Variants in PROSER3 observed in about 807,000 individuals in gnomAD.
PROSER3 encodes the protein proline and serine rich 3, also known as proline and serine-rich protein 3.
A neutral mutation model predicts 50.2 loss-of-function variants in PROSER3; 33 were observed. The ratio of observed to expected loss-of-function variants is 0.66; its 90% confidence interval spans 0.50 to 0.88. PROSER3 has a LOEUF of 0.88. PROSER3 is among the 40% of genes least tolerant of loss of function. The probability of loss-of-function intolerance (pLI) is 0.00; values close to 1 mark genes in which losing one functional copy is unlikely to be tolerated. For synonymous variants in PROSER3, 266 were observed against 259.3 expected (o/e 1.03, Z -0.25); for missense variants, 623 against 612.7 (o/e 1.02, Z -0.18).
At chr19:35,766,997 G>C in intron 8 of PROSER3, 42 bp downstream of exon 8, 2 of 1,525,118 alleles carry the variant, frequency 1.3e-6, no homozygotes, top group Non-Finnish European at 1.8e-6. Flanking sequence ...GCTGGAGGAG[G>C]GGCTGGGTCT....
chr19:35,767,668 C>G, intron 8 of PROSER3: 1 of 1,156,510 alleles, frequency 8.6e-7, no homozygotes, highest in Non-Finnish European at 1.2e-6. Context: ...CTCGGCTGTT[C>G]CCTGACAGCC....
exon 7 of PROSER3, chr19:35,765,110 G>A: frequency 6.2e-7 from 1 of 1,613,854 alleles, no homozygotes; most frequent in Non-Finnish European, 8.5e-7. Flanking sequence ...CAGCTCTGAT[G>A]GCCTCTCTCC....
chr19:35,762,180 C>A, intron 4 of PROSER3, 34 bp downstream of exon 4: 1 of 1,591,064 alleles, frequency 6.3e-7, no homozygotes, highest in Non-Finnish European at 8.6e-7. Flanking sequence ...TACTCCCACC[C>A]CTAAACCTTT....
At chr19:35,767,849 G>A in exon 9 of PROSER3, 1 of 1,613,070 alleles carries the variant, frequency 6.2e-7, no homozygotes, top group Non-Finnish European at 8.5e-7. Context: ...AGCGGGGTCA[G>A]TGATACGGAA....
chr19:35,766,913 C>T, exon 8 of PROSER3: 2 of 1,554,424 alleles, frequency 1.3e-6, no homozygotes, highest in Non-Finnish European at 1.7e-6. Flanking sequence ...GCAAGGGTGA[C>T]AGAGCTTGGG....
rs774032469 is a variant in PROSER3, at chr19:35,764,934, C to T, written c.624C>T (p.Arg208=). Residue 208 remains arginine, a splice_region_variant and synonymous_variant, in exon 6 of 11, where the codon CGC becomes CGT. Coordinates refer to ENST00000396908, the Ensembl canonical transcript of PROSER3. ...GCAGAGCTGCCAGGCTGCTCAAACG[C>T]AGGTGCCCGCACCCCTGCCCCCATC... 1.1e-5 allele frequency: 17 copies of T among 1,613,634 alleles called. No individual in the cohort carries two copies. The South Asian group carries it at 1.9e-4, about 18-fold the overall frequency.
chr19:35,763,349 A>C (rs1325801911), intron 5 of PROSER3, among the ~76,000 whole-genome samples: 73 of 134,712 alleles, frequency 5.4e-4, no homozygotes, highest in East Asian at 9.3e-4. Context: ...CTACAGGTGC[A>C]TGCCACCACA....
intron 9 of PROSER3, 41 bp from the exon 10 acceptor site, chr19:35,768,114 A>G: frequency 6.2e-7 from 1 of 1,601,202 alleles, no homozygotes; most frequent in East Asian, 2.3e-5. Context: ...GCCCCCTAAG[A>G]GGCCGGCCCC....
intron 4 of PROSER3, 41 bp from the exon 5 acceptor site, chr19:35,762,212 C>A: frequency 6.3e-7 from 1 of 1,597,548 alleles, no homozygotes; most frequent in Non-Finnish European, 8.6e-7. Context: ...CCCCCAGCAG[C>A]CACTCCTCCT....
chr19:35,760,369 A>G (rs1970917452), intron 3 of PROSER3, among the ~76,000 whole-genome samples: 1 of 152,002 alleles, frequency 6.6e-6, no homozygotes, highest in Admixed American at 6.6e-5. Flanking sequence ...GATGCATGCC[A>G]CCACACCCAG....
intron 8 of PROSER3, chr19:35,767,492 C>T (rs1399109550): frequency 2.4e-6 from 1 of 413,158 alleles, no homozygotes; most frequent in Non-Finnish European, 4.3e-6. Context: ...AGCTGTCCCC[C>T]AGGGCCTGCC....
intron 5 of PROSER3, 115 bp downstream of exon 5, chr19:35,762,471 G>A (rs1568410209): frequency 2.0e-6 from 2 of 1,016,346 alleles, no homozygotes; most frequent in East Asian, 5.4e-5. Flanking sequence ...CACTTTGGGA[G>A]GCCAAGGTGA....
At chr19:35,767,301 A>T (rs900747309) in intron 8 of PROSER3, 13 of 295,682 alleles carry the variant, frequency 4.4e-5, no homozygotes, top group African/African-American at 6.6e-5. Context: ...CCTCCCACGC[A>T]GCAGGCCTCC....
In PROSER3 at chr19:35,766,730, C is replaced by T. The variant is rs748136288; in HGVS notation, c.770-38C>T. ...GTCCTGGGGTTGCTGATCTCCCTGG[C>T]CCCTGCCTCACCCTCTCCTCTCTAC... On this transcript the variant is annotated intron_variant, in intron 7 of 10. Transcript: ENST00000396908. 20 of 1,477,782 alleles carry T rather than the reference C, an allele frequency of 1.4e-5. 1 individual carries two copies. Among genetic ancestry groups the T allele is most frequent in the Admixed American group, 2.0e-5 (1 of 49,770 alleles). The allele number at this position is 1,477,782 out of a possible 1,614,324, so 91.5% of individuals were successfully genotyped here. A position where few individuals can be genotyped will look rare whatever the true frequency, so the allele number is the denominator to read the frequency against.
At chr19:35,762,119 C>G in exon 4 of PROSER3, 1 of 1,604,628 alleles carries the variant, frequency 6.2e-7, no homozygotes. Flanking sequence ...GTCTGACTCT[C>G]CAGACCCCAG....
At chr19:35,764,620 C>T (rs1971074831) in intron 5 of PROSER3, among the ~76,000 whole-genome samples, 1 of 150,888 alleles carries the variant, frequency 6.6e-6, no homozygotes, top group Non-Finnish European at 1.5e-5. Flanking sequence ...CGTGCCATTG[C>T]ACTCCAGCCT....
intron 5 of PROSER3, among the ~76,000 whole-genome samples, chr19:35,763,830 A>G (rs1363465538): frequency 7.5e-6 from 1 of 133,626 alleles, no homozygotes; most frequent in Non-Finnish European, 1.6e-5. Flanking sequence ...TTTTAATTAG[A>G]TAGGGTCTTA....
rs374706562 is a variant in PROSER3 at position 35,762,030 on chromosome 19, G to A, written c.323G>A (p.Arg108Lys). Residue 108 changes from arginine to lysine, a missense_variant, in exon 4 of 11, where the codon AGG becomes AAG. Transcript: ENST00000396908. ...CCTGATGTTCACAGGTATATAAACA[G>A]GTTCCGCCAGGCTCAGCCCACCAGT... 8.3e-5 allele frequency: 133 copies of A among 1,607,810 alleles called. No homozygotes were observed. The highest frequency in any genetic ancestry group is 1.1e-4 in the Non-Finnish European group (133 of 1,175,318).
chr19:35,768,231 GA>G lies in PROSER3; in HGVS notation c.1300del (p.Arg434GlyfsTer35). 6.2e-7 allele frequency: 1 copy of G among 1,612,008 alleles called. No individual in the cohort carries two copies. On this transcript the variant is annotated frameshift_variant, in exon 10 of 11. Transcript: ENST00000396908. LOFTEE classifies it low-confidence loss of function (END_TRUNC). Reference sequence around the variant, plus strand: ...CCCATAGGGCAGAGCTGAGTCGGCAGAAAAGGTGACCGACCCTCCATCCCCA... The same window carrying G: ...CCCATAGGGCAGAGCTGAGTCGGCAGAAAGGTGACCGACCCTCCATCCCCA...
Sources: allele counts gnomAD v4.1 joint callset (sites outside exome capture counted in the v4.1 genomes callset), GRCh38; gene constraint gnomAD v4.1.1; transcripts MANE v1.5; gene names NCBI Gene and HGNC (gene_info 2026-07-23, HGNC 2026-07-21).